MTFR1: variants seen among roughly 807,000 people sequenced by gnomAD.
MTFR1 encodes the protein chondrocyte protein with a poly-proline region.
In MTFR1, 28 loss-of-function variants were observed where a neutral mutation model predicts 38.8. The ratio of observed to expected loss-of-function variants is 0.72; its 90% CI spans 0.53 to 0.99. The LOEUF is 0.99. Among genes scored for constraint, MTFR1 ranks in the 50% least tolerant of loss-of-function variants. The pLI is 0.00. For missense variants in MTFR1, 358 were observed against 395.5 expected, an observed-to-expected ratio of 0.91 and a Z score of 0.81; for synonymous variants, 145 against 137.0, an observed-to-expected ratio of 1.06 and a Z score of -0.41.
At chr8:65,740,609 C>T (rs1229434368) in intron 3 of MTFR1, among the ~76,000 whole-genome samples, 1 of 152,112 alleles carries the variant, frequency 6.6e-6, no homozygotes, top group African/African-American at 2.4e-5. Flanking sequence ...ACTTTGTTGG[C>T]CAGGCTGGTC....
At chr8:65,742,138 G>T (rs541385547) in intron 3 of MTFR1, among the ~76,000 whole-genome samples, 3 of 152,180 alleles carry the variant, frequency 2.0e-5, no homozygotes, top group African/African-American at 7.2e-5. Flanking sequence ...AAATGGAAAT[G>T]GAAACACTTT....
intron 5 of MTFR1, among the ~76,000 whole-genome samples, chr8:65,706,431 C>G (rs1007028453): frequency 6.6e-6 from 1 of 152,038 alleles, no homozygotes; most frequent in Admixed American, 6.6e-5. Context: ...CTCTTAGTTA[C>G]TTCTTGTTTT....
rs968511304 is a variant in MTFR1, at chr8:65,723,604, A to T, written c.*48+4123A>T. 27 of 1,571,602 alleles carry T rather than the reference A, an allele frequency of 1.7e-5. No homozygotes were observed. In the African/African-American group the frequency reaches 2.9e-4, roughly 17 times the overall value. The stretch of plus-strand genomic sequence containing the variant: ...CAAAGTGGACTCACACCCAAATGAT[A>T]TTTTTTTTCTATATCTCCTATAAAT... On this transcript the variant is annotated intron_variant, in intron 3 of 3. Coordinates refer to the MTFR1 transcript ENST00000521247.
intron 3 of MTFR1, chr8:65,727,148 TTGA>T (rs970506813): frequency 1.9e-5 from 26 of 1,357,670 alleles, no homozygotes; most frequent in Non-Finnish European, 2.7e-5. Flanking sequence ...ATAATAAATC[TTGA>T]TGATAAAATT....
At chr8:65,751,720 G>A (rs1242855890) in intron 3 of MTFR1, among the ~76,000 whole-genome samples, 3 of 152,162 alleles carry the variant, frequency 2.0e-5, no homozygotes, top group Non-Finnish European at 4.4e-5. Context: ...TCGAACTCCC[G>A]ACCTCAGGTG....
rs974676377 is a variant in MTFR1, at chr8:65,744,150, C to G, written c.*48+24669C>G. ...GCCCAGCCTAGCTGAACTGCTTTTA[C>G]CAGTGAATAAGAACACAAATCAACA... On this transcript the variant is annotated intron_variant, in intron 3 of 3. Transcript: ENST00000521247. Among the ~76,000 whole-genome samples, 3 of 152,016 alleles carry G rather than the reference C, an allele frequency of 2.0e-5. No individual in the cohort carries two copies. In the East Asian group the frequency reaches 5.8e-4, roughly 29 times the overall value.
chr8:65,770,141 G>A (rs1302860686), intron 3 of MTFR1, among the ~76,000 whole-genome samples: 1 of 147,388 alleles, frequency 6.8e-6, no homozygotes, highest in Non-Finnish European at 1.5e-5. Context: ...GTGTGTGTGT[G>A]TGTGTGTGTG....
chr8:65,767,276 G>A (rs1462739474), intron 3 of MTFR1, among the ~76,000 whole-genome samples: 2 of 152,158 alleles, frequency 1.3e-5, no homozygotes, highest in African/African-American at 2.4e-5. Flanking sequence ...TAGTATGAAC[G>A]TTTATGGATT....
intron 2 of MTFR1, among the ~76,000 whole-genome samples, chr8:65,673,836 G>T (rs1422838476): frequency 3.3e-5 from 5 of 152,036 alleles, no homozygotes. Flanking sequence ...AACCCAGGAG[G>T]CGGAGTTTGC....
intron 3 of MTFR1, among the ~76,000 whole-genome samples, chr8:65,690,586 C>A (rs1805246572): frequency 1.3e-5 from 2 of 151,884 alleles, no homozygotes; most frequent in Non-Finnish European, 2.9e-5. Flanking sequence ...TTTTTTCTTC[C>A]CTCCTCCCCA....
At chr8:65,674,961 C>G (rs940475014) in intron 2 of MTFR1, among the ~76,000 whole-genome samples, 4 of 152,088 alleles carry the variant, frequency 2.6e-5, no homozygotes, top group African/African-American at 7.2e-5. Context: ...CTTTGCTACC[C>G]TTAGAAGGGA....
At position 65,669,977 on chromosome 8, in the gene MTFR1, A is replaced by G; in HGVS notation, c.25A>G (p.Ile9Val). MLGWIKRL[I>V]RMVFQQVGVS... Reference sequence around the variant, plus strand: ...AATGCTTGGCTGGATTAAGCGCCTAATTAGGATGGTTTTTCAACAAGTTGG... The same window carrying G: ...AATGCTTGGCTGGATTAAGCGCCTAGTTAGGATGGTTTTTCAACAAGTTGG... Residue 9 changes from isoleucine (I) to valine (V), a missense_variant, in exon 2 of 8, where the codon ATT (isoleucine) becomes GTT (valine). Ile to Val is a conservative substitution (Grantham distance 29, BLOSUM62 3). Coordinates refer to ENST00000262146, the MANE Select transcript of MTFR1 (RefSeq NM_014637.4). 1 of 1,601,828 alleles carries G rather than the reference A, an allele frequency of 6.2e-7. No individual in the cohort carries two copies. The highest frequency in any genetic ancestry group is 8.5e-7 in the Non-Finnish European group (1 of 1,177,422).
At chr8:65,688,699 G>A (rs1805177008) in intron 3 of MTFR1, among the ~76,000 whole-genome samples, 1 of 151,002 alleles carries the variant, frequency 6.6e-6, no homozygotes, top group African/African-American at 2.4e-5. Flanking sequence ...CCGCCTTCAG[G>A]CTCCCAAAGT....
At chr8:65,697,746 G>A (rs1389125946) in intron 4 of MTFR1, among the ~76,000 whole-genome samples, 3 of 152,154 alleles carry the variant, frequency 2.0e-5, no homozygotes, top group Non-Finnish European at 4.4e-5. Flanking sequence ...GGCAGTATAT[G>A]GCTAATTCAG....
At chr8:65,708,116 A>C in intron 7 of MTFR1, 105 bp downstream of exon 7, 1 of 1,601,050 alleles carries the variant, frequency 6.2e-7, no homozygotes. Context: ...TAAGTTCCAA[A>C]GGGAGGTGAT....
intron 1 of MTFR1, among the ~76,000 whole-genome samples, chr8:65,653,720 A>G (rs772396226): frequency 2.0e-5 from 3 of 152,130 alleles, no homozygotes; most frequent in Non-Finnish European, 2.9e-5. Context: ...TTATGTTTTT[A>G]CTTTTTAGAT....
chr8:65,673,374 A>G (rs1238085327), intron 2 of MTFR1, among the ~76,000 whole-genome samples: 1 of 150,812 alleles, frequency 6.6e-6, no homozygotes, highest in Admixed American at 6.7e-5. Context: ...ACCACTGATC[A>G]TGATCACCAT....
At chr8:65,723,750 G>A (rs968472201) in intron 3 of MTFR1, 28 of 562,370 alleles carry the variant, frequency 5.0e-5, no homozygotes, top group South Asian at 2.0e-4. Flanking sequence ...GGACAGCTTC[G>A]CAATTAGTTC....
At chr8:65,707,402 C>T (rs1050953920) in intron 6 of MTFR1, 146 bp downstream of exon 6, 2 of 779,104 alleles carry the variant, frequency 2.6e-6, no homozygotes, top group South Asian at 2.0e-5. Context: ...GGCTTCTATA[C>T]ACAGTAGCTA....
Sources: allele counts gnomAD v4.1 joint callset (sites outside exome capture counted in the v4.1 genomes callset), GRCh38; gene constraint gnomAD v4.1.1; transcripts MANE v1.5; gene names NCBI Gene and HGNC (gene_info 2026-07-23, HGNC 2026-07-21).